Variants in SWAP70 observed in about 807,000 individuals in gnomAD.
SWAP70 encodes the protein switching B cell complex subunit SWAP70, also known as switch-associated protein 70.
In SWAP70, 34 loss-of-function variants were observed where a neutral mutation model predicts 80.2. The ratio of observed to expected loss-of-function variants is 0.42; its 90% confidence interval spans 0.32 to 0.56. The LOEUF (loss-of-function observed/expected upper bound fraction) is 0.56, where lower values mean the gene tolerates loss of function less well. Among genes scored for constraint, SWAP70 ranks in the 20% least tolerant of loss-of-function variants. SWAP70 has a pLI of 0.09. For missense variants in SWAP70, 578 were observed against 690.7 expected (o/e 0.84, Z 1.83); for synonymous variants, 239 against 238.5 (o/e 1.00, Z -0.02).
chr11:9,747,746 AG>A (rs1851530378), intron 9 of SWAP70, 111 bp from the exon 10 acceptor site: 2 of 1,001,654 alleles, frequency 2.0e-6, no homozygotes, highest in Non-Finnish European at 3.1e-6. Context: ...GTGGAATGAA[AG>A]GGGGATTAGA....
chr11:9,672,781 A>G (rs1183553679), intron 1 of SWAP70, among the ~76,000 whole-genome samples: 1 of 151,698 alleles, frequency 6.6e-6, no homozygotes, highest in African/African-American at 2.4e-5. Flanking sequence ...AGTGTAGTAC[A>G]GACAAAGCTT....
intron 2 of SWAP70, among the ~76,000 whole-genome samples, chr11:9,702,156 TG>T (rs36069248): frequency 0.1 from 15,521 of 152,236 alleles, 1,529 homozygotes; most frequent in African/African-American, 0.25. Context: ...TTCCCCTTGG[TG>T]TACTTTCTTG....
chr11:9,676,308 TGTAGTTGAATTCAAC>T (rs1850499800), intron 1 of SWAP70, among the ~76,000 whole-genome samples: 1 of 152,206 alleles, frequency 6.6e-6, no homozygotes. Context: ...GCTGAGTAAA[TGTAGTTGAATTCAAC>T]GTTAGACATT....
intron 6 of SWAP70, 39 bp from the exon 7 acceptor site, chr11:9,732,490 T>C: frequency 6.4e-7 from 1 of 1,557,234 alleles, no homozygotes; most frequent in Non-Finnish European, 8.7e-7. Context: ...GAATAAATAA[T>C]ATCTCCCCAT....
intron 1 of SWAP70, among the ~76,000 whole-genome samples, chr11:9,671,134 T>A (rs1469741845): frequency 3.8e-5 from 5 of 130,878 alleles, no homozygotes; most frequent in Non-Finnish European, 7.8e-5. Flanking sequence ...AATATATTTA[T>A]AAATATAAAT....
chr11:9,708,692 T>C (rs188426075), intron 2 of SWAP70, among the ~76,000 whole-genome samples: 106 of 152,344 alleles, frequency 7.0e-4, no homozygotes, highest in Middle Eastern at 6.8e-3. Context: ...AATCACTTCT[T>C]GTTCTCAGAG....
chr11:9,740,350 G>T lies in SWAP70; in HGVS notation c.1355+3G>T. On this transcript the variant is annotated splice_donor_region_variant and intron_variant, in intron 9 of 11. Transcript: ENST00000318950. ...ACAGTGCGGAAGCTTCAGGCCAGGTGCCAGATTTGTTTGCAGACTTTGCCT... is the reference window on the plus strand; with the variant it reads ...ACAGTGCGGAAGCTTCAGGCCAGGTTCCAGATTTGTTTGCAGACTTTGCCT... 6.2e-7 allele frequency: 1 copy of T among 1,614,154 alleles called. No individual in the cohort carries two copies. Among genetic ancestry groups the T allele is most frequent in the Non-Finnish European group, 8.5e-7 (1 of 1,179,986 alleles).
At chr11:9,725,549 ATATATATATATATATATATATTTTT>A (rs1240359062) in intron 4 of SWAP70, among the ~76,000 whole-genome samples, 2 of 19,230 alleles carry the variant, frequency 1.0e-4, no homozygotes, top group African/African-American at 1.4e-4. Context: ...ATATATATAT[ATATATATATATATATATATATTTTT>A]TTTTTTTTTT....
intron 3 of SWAP70, among the ~76,000 whole-genome samples, chr11:9,718,725 A>G (rs932733657): frequency 6.6e-6 from 1 of 152,178 alleles, no homozygotes; most frequent in African/African-American, 2.4e-5. Context: ...ACTTCTTTCC[A>G]ATAATCCACT....
At position 9,675,346 on chromosome 11, in the gene SWAP70, CGAGAGAGAGAGAGAGAGA is replaced by C. The variant is rs1184480305; in HGVS notation, c.99+11126_99+11143del. 1.4e-3 allele frequency among the ~76,000 whole-genome samples: 12 copies of C among 8,412 alleles called. 1 individual carries two copies. The highest frequency in any genetic ancestry group is 4.8e-3 in the Admixed American group (2 of 414). 5.5% of individuals were successfully genotyped at this position (8,412 alleles called of 152,430 possible). ...GAGAGAGAGAGAGAGAGAGAGGGAG[CGAGAGAGAGAGAGAGAGA>C]GAGAGAGAGAGAGAGAGAGAGAGAG... On this transcript the variant is annotated intron_variant, in intron 1 of 11. Transcript: ENST00000318950.
intron 1 of SWAP70, among the ~76,000 whole-genome samples, chr11:9,683,631 A>C (rs1186587844): frequency 6.6e-6 from 1 of 152,140 alleles, no homozygotes; most frequent in African/African-American, 2.4e-5. Context: ...GGGAGAGAGG[A>C]AATGAAATTG....
intron 1 of SWAP70, among the ~76,000 whole-genome samples, chr11:9,676,578 AGTT>A (rs1449874199): frequency 4.0e-5 from 6 of 151,886 alleles, no homozygotes; most frequent in Admixed American, 2.6e-4. Context: ...CTGTGTAAAT[AGTT>A]GTTAAGTTAC....
chr11:9,725,596 G>A lies in SWAP70; in HGVS notation c.642+711G>A, dbSNP rs1462537643. ...TTTTTTTTTTTTTTTTTTCCAAGAC[G>A]GAATTTCACGCTGTCACCAGGCTGG... On this transcript the variant is annotated intron_variant, in intron 4 of 11. Coordinates refer to ENST00000318950, the MANE Select transcript of SWAP70 (RefSeq NM_015055.4). 8.4e-5 allele frequency among the ~76,000 whole-genome samples: 10 copies of A among 118,780 alleles called. No individual in the cohort carries two copies. In the East Asian group the frequency reaches 2.3e-3, roughly 27 times the overall value. The allele number at this position is 118,780 out of a possible 152,430, so 77.9% of individuals were successfully genotyped here.
At chr11:9,706,401 A>G (rs566672815) in intron 2 of SWAP70, among the ~76,000 whole-genome samples, 1 of 151,980 alleles carries the variant, frequency 6.6e-6, no homozygotes, top group African/African-American at 2.4e-5. Flanking sequence ...TTTTCCCCCC[A>G]TTTTGTCTTT....
At chr11:9,739,697 G>A (rs762176788) in intron 8 of SWAP70, among the ~76,000 whole-genome samples, 10 of 152,208 alleles carry the variant, frequency 6.6e-5, no homozygotes, top group Non-Finnish European at 1.3e-4. Flanking sequence ...AGGGAGTGGA[G>A]ACAGCCAGGG....
chr11:9,694,608 TAAAC>T (rs1393091571), intron 2 of SWAP70, among the ~76,000 whole-genome samples: 1 of 152,104 alleles, frequency 6.6e-6, no homozygotes, highest in Non-Finnish European at 1.5e-5. Context: ...ACAAGGAACT[TAAAC>T]AAATTTACAA....
intron 1 of SWAP70, among the ~76,000 whole-genome samples, chr11:9,677,712 G>A (rs906506105): frequency 3.3e-5 from 5 of 152,070 alleles, no homozygotes; most frequent in Non-Finnish European, 7.4e-5. Context: ...CTCATTGTCT[G>A]TGCATTTTTA....
At chr11:9,722,363 C>T (rs1449891214) in intron 3 of SWAP70, among the ~76,000 whole-genome samples, 4 of 152,132 alleles carry the variant, frequency 2.6e-5, no homozygotes, top group Non-Finnish European at 5.9e-5. Context: ...GGTAGAAAAG[C>T]GAATGAGTGA....
At chr11:9,730,950 G>C (rs958785983) in intron 6 of SWAP70, among the ~76,000 whole-genome samples, 1 of 152,132 alleles carries the variant, frequency 6.6e-6, no homozygotes, top group Non-Finnish European at 1.5e-5. Context: ...CGTCCCAGTA[G>C]TCCCTAGTGT....
Sources: gnomAD v4.1 joint callset for allele counts (sites outside exome capture counted in the v4.1 genomes callset) on GRCh38, gnomAD v4.1.1 for gene constraint, MANE v1.5 for transcripts, NCBI Gene and HGNC (gene_info 2026-07-23, HGNC 2026-07-21) for gene names.